Variants in CYTH1 observed in about 807,000 individuals in gnomAD.
CYTH1 encodes cytohesin-1.
Under a neutral mutation model 61.8 loss-of-function variants are expected in CYTH1, and 18 were observed. The observed-to-expected ratio is 0.29, with a 90% CI of 0.20 to 0.43. The LOEUF (loss-of-function observed/expected upper bound fraction) is 0.43, where lower values mean the gene tolerates loss of function less well. Among genes scored for constraint, CYTH1 ranks in the 20% least tolerant of loss-of-function variants. The pLI, the probability that CYTH1 is intolerant of heterozygous loss-of-function variation, is 1.00. For synonymous variants in CYTH1, 174 were observed against 184.3 expected (o/e 0.94, Z 0.45); for missense variants, 336 against 510.5 (o/e 0.66, Z 3.29).
intron 1 of CYTH1, among the ~76,000 whole-genome samples, chr17:78,712,598 G>A (rs1325820463): frequency 6.6e-6 from 1 of 152,152 alleles, no homozygotes; most frequent in Non-Finnish European, 1.5e-5. Flanking sequence ...GAAGGTTGCA[G>A]TGGGCTGAGA....
At chr17:78,738,733 T>C (rs1409812665) in intron 1 of CYTH1, among the ~76,000 whole-genome samples, 2 of 152,212 alleles carry the variant, frequency 1.3e-5, no homozygotes, top group Admixed American at 6.5e-5. Flanking sequence ...GCCTGCACCA[T>C]TTCAAAACCT....
At chr17:78,762,681 G>C (rs770036501) in intron 1 of CYTH1, among the ~76,000 whole-genome samples, 1 of 152,108 alleles carries the variant, frequency 6.6e-6, no homozygotes, top group Non-Finnish European at 1.5e-5. Flanking sequence ...GTGGGCACAC[G>C]GATTCTTCCA....
chr17:78,743,505 T>C (rs78887881), intron 1 of CYTH1, among the ~76,000 whole-genome samples: 8,055 of 152,224 alleles, frequency 0.053, 723 homozygotes, highest in African/African-American at 0.18. Flanking sequence ...CTGGAGCATT[T>C]TGGATTTCCA....
intron 13 of CYTH1, chr17:78,678,605 C>T (rs1006195364): frequency 2.0e-5 from 3 of 152,008 alleles, no homozygotes; most frequent in African/African-American, 7.3e-5. Context: ...GGATACCGGT[C>T]CCCCACAACA....
intron 3 of CYTH1, 27 bp downstream of exon 3, chr17:78,708,170 A>C (rs1453408194): frequency 4.3e-6 from 7 of 1,613,488 alleles, no homozygotes; most frequent in Non-Finnish European, 5.9e-6. Flanking sequence ...CAACCACAGA[A>C]GCCACCTGGC....
intron 1 of CYTH1, among the ~76,000 whole-genome samples, chr17:78,762,893 A>G (rs933642669): frequency 6.6e-6 from 1 of 152,238 alleles, no homozygotes; most frequent in East Asian, 1.9e-4. Context: ...ATTTTGGCCC[A>G]GTGAGACCCA....
intron 1 of CYTH1, among the ~76,000 whole-genome samples, chr17:78,772,489 C>G (rs1351309218): frequency 1.3e-5 from 2 of 152,120 alleles, no homozygotes; most frequent in East Asian, 3.9e-4. Flanking sequence ...TAGAAAGGAG[C>G]AGGTATGAGC....
chr17:78,692,310 TACTG>T (rs1322803772), intron 11 of CYTH1, 103 bp downstream of exon 11: 2 of 1,131,140 alleles, frequency 1.8e-6, no homozygotes. Flanking sequence ...CCCCCACAGA[TACTG>T]AAGGGCAAAT....
intron 1 of CYTH1, among the ~76,000 whole-genome samples, chr17:78,781,463 G>T (rs1009117954): frequency 6.6e-6 from 1 of 152,202 alleles, no homozygotes; most frequent in Non-Finnish European, 1.5e-5. Flanking sequence ...CAGCGGCTCC[G>T]CTTGCCAAGT....
In CYTH1 at chr17:78,680,222, G is replaced by A. The variant is rs774601118; in HGVS notation, c.1086C>T (p.Pro362=). Residue 362 remains proline, a synonymous_variant, in exon 13 of 14, where the codon CCC becomes CCT. Coordinates refer to ENST00000446868, the MANE Select transcript of CYTH1 (RefSeq NM_004762.6). ...HTVYRISAPT[P]EEKEEWIKCI... ...ACTTAATCCACTCCTCCTTCTCCTC[G>A]GGCGTCGGAGCTGAGATCCGGTAAA... 5.6e-6 allele frequency: 9 copies of A among 1,613,994 alleles called. No individual in the cohort carries two copies. Among genetic ancestry groups the A allele is most frequent in the South Asian group, 2.2e-5 (2 of 91,088 alleles).
At chr17:78,777,345 G>A (rs1370923024) in intron 1 of CYTH1, among the ~76,000 whole-genome samples, 1 of 151,978 alleles carries the variant, frequency 6.6e-6, no homozygotes, top group African/African-American at 2.4e-5. Flanking sequence ...GTGAACCCAG[G>A]AGGCAGAGCT....
At chr17:78,757,629 C>A (rs1360030341) in intron 1 of CYTH1, among the ~76,000 whole-genome samples, 1 of 151,944 alleles carries the variant, frequency 6.6e-6, no homozygotes, top group African/African-American at 2.4e-5. Context: ...ATCAGCAACC[C>A]AAAAGATTAA....
At chr17:78,750,753 G>C (rs2093376837) in intron 1 of CYTH1, among the ~76,000 whole-genome samples, 1 of 145,884 alleles carries the variant, frequency 6.9e-6, no homozygotes, top group East Asian at 2.1e-4. Context: ...AGTGAGCCGA[G>C]ATCACACCAA....
chr17:78,707,382 GAAAATA>G (rs1457442919), intron 3 of CYTH1, among the ~76,000 whole-genome samples: 1 of 151,608 alleles, frequency 6.6e-6, no homozygotes, highest in Non-Finnish European at 1.5e-5. Flanking sequence ...AACATTTCAT[GAAAATA>G]AAAGGAAAAA....
At chr17:78,779,689 T>G (rs1475638703) in intron 1 of CYTH1, among the ~76,000 whole-genome samples, 1 of 152,116 alleles carries the variant, frequency 6.6e-6, no homozygotes, top group Non-Finnish European at 1.5e-5. Flanking sequence ...CTGCTGGCTT[T>G]GAAGATGGAA....
chr17:78,733,431 C>T (rs140295574), intron 1 of CYTH1, among the ~76,000 whole-genome samples: 143 of 152,316 alleles, frequency 9.4e-4, no homozygotes, highest in African/African-American at 3.2e-3. Flanking sequence ...ATTCACATTC[C>T]GGTCACCGGC....
intron 1 of CYTH1, among the ~76,000 whole-genome samples, chr17:78,776,477 T>C (rs1423864866): frequency 6.7e-6 from 1 of 149,960 alleles, no homozygotes; most frequent in Non-Finnish European, 1.5e-5. Context: ...GCCAACATGA[T>C]GAAACCCCAT....
At chr17:78,702,488 T>C in intron 4 of CYTH1, 50 bp downstream of exon 4, 1 of 1,591,376 alleles carries the variant, frequency 6.3e-7, no homozygotes, top group Non-Finnish European at 8.6e-7. Flanking sequence ...CTGAGCACTA[T>C]AAAAAAACCC....
Position 78,717,298 on chromosome 17 carries a change from G to A in CYTH1, c.23-7566C>T, listed in dbSNP as rs937421898. 6.6e-6 allele frequency among the ~76,000 whole-genome samples: 1 copy of A among 152,088 alleles called. No individual in the cohort carries two copies. The highest frequency in any genetic ancestry group is 1.5e-5 in the Non-Finnish European group (1 of 68,016). Reference sequence around the variant, plus strand: ...CTCGCCCATTGCCAGAGGGGCACCCGGAATCCATGCCCACAAAGGTTAATC... The same window carrying A: ...CTCGCCCATTGCCAGAGGGGCACCCAGAATCCATGCCCACAAAGGTTAATC... On this transcript the variant is annotated intron_variant, in intron 1 of 13. Coordinates refer to ENST00000446868, the MANE Select transcript of CYTH1 (RefSeq NM_004762.6). The surrounding 1 kb of genome is among the most constrained non-coding windows in gnomAD (Gnocchi z 4.4).
Sources: allele counts gnomAD v4.1 joint callset (sites outside exome capture counted in the v4.1 genomes callset), GRCh38; gene constraint gnomAD v4.1.1; non-coding constraint Gnocchi (gnomAD v3.1); transcripts MANE v1.5; gene names NCBI Gene and HGNC (gene_info 2026-07-23, HGNC 2026-07-21).